OR1I1: variants seen among roughly 807,000 people sequenced by gnomAD.
OR1I1 encodes olfactory receptor family 1 subfamily I member 1, also known as olfactory receptor 1I1.
For synonymous variants in OR1I1, 171 were observed against 181.4 expected (o/e 0.94, Z 0.46); for missense variants, 451 against 443.6 (o/e 1.02, Z -0.15).
At chr19:15,085,252 C>T (rs1040118738) in intron 1 of OR1I1, among the ~76,000 whole-genome samples, 3 of 146,850 alleles carry the variant, frequency 2.0e-5, no homozygotes, top group Non-Finnish European at 3.0e-5. Context: ...CCCACTGCAA[C>T]TTCTGCCTCC....
In OR1I1 at chr19:15,088,348, A is replaced by G. The variant is rs1206171911; in HGVS notation, c.*215A>G. 2 of 541,516 alleles carry G rather than the reference A, an allele frequency of 3.7e-6. No homozygotes were observed. The highest frequency in any genetic ancestry group is 6.4e-6 in the Non-Finnish European group (2 of 313,788). The allele number at this position is 541,516 out of a possible 1,614,324, so 33.5% of individuals were successfully genotyped here. A position where few individuals can be genotyped will look rare whatever the true frequency, so the allele number is the denominator to read the frequency against. On this transcript the variant is annotated 3_prime_UTR_variant, in exon 2 of 2. Coordinates refer to ENST00000641398, the MANE Select transcript of OR1I1 (RefSeq NM_001004713.2). Reference sequence around the variant, plus strand: ...AGTTGAAAACAAGAGACGTAGCTACACTCATTTTAGTATTGACAAAGGCCA... The same window carrying G: ...AGTTGAAAACAAGAGACGTAGCTACGCTCATTTTAGTATTGACAAAGGCCA...
Position 15,085,176 on chromosome 19 carries a change from A to ATTTTTT in OR1I1, c.-13-1871_-13-1866dup, listed in dbSNP as rs757508009. On this transcript the variant is annotated intron_variant, in intron 1 of 1. Transcript: ENST00000641398. The stretch of plus-strand genomic sequence containing the variant: ...TATATATATATATATATATATATAT[A>ATTTTTT]TTTTTTTTTTTGAGACAGAGTTTCG... Among the ~76,000 whole-genome samples, 221 of 80,106 alleles carry ATTTTTT rather than the reference A, an allele frequency of 2.8e-3. 16 individuals are homozygous for ATTTTTT. The highest frequency in any genetic ancestry group is 3.9e-3 in the African/African-American group (84 of 21,750). The allele number at this position is 80,106 out of a possible 152,430, so 52.6% of individuals were successfully genotyped here.
At chr19:15,085,145 TA>T (rs1568321803) in intron 1 of OR1I1, among the ~76,000 whole-genome samples, 1,259 of 30,444 alleles carry the variant, frequency 0.041, 110 homozygotes, top group African/African-American at 0.18. Context: ...TATATATATA[TA>T]TATATATATA....
intron 1 of OR1I1, among the ~76,000 whole-genome samples, chr19:15,082,827 T>C (rs1183419391): frequency 1.3e-5 from 2 of 152,014 alleles, no homozygotes; most frequent in Admixed American, 1.3e-4. Context: ...TTTCTGTTTT[T>C]GAGACAGGGT....
rs1193069411 is a variant in OR1I1 at position 15,088,333 on chromosome 19, A to G, written c.*200A>G. The stretch of plus-strand genomic sequence containing the variant: ...TATGTGAATAAGAGTAGTTGAAAAC[A>G]AGAGACGTAGCTACACTCATTTTAG... On this transcript the variant is annotated 3_prime_UTR_variant, in exon 2 of 2. Coordinates refer to ENST00000641398, the MANE Select transcript of OR1I1 (RefSeq NM_001004713.2). 10 of 591,112 alleles carry G rather than the reference A, an allele frequency of 1.7e-5. No individual in the cohort carries two copies. Among genetic ancestry groups the G allele is most frequent in the African/African-American group, 3.7e-5 (2 of 53,796 alleles). 36.6% of individuals were successfully genotyped at this position (591,112 alleles called of 1,614,324 possible).
intron 1 of OR1I1, among the ~76,000 whole-genome samples, chr19:15,086,612 C>T (rs143483563): frequency 0.023 from 3,498 of 151,886 alleles, 92 homozygotes; most frequent in East Asian, 0.1. Context: ...CACCACCACG[C>T]CTGATTAATT....
At position 15,087,046 on chromosome 19, in the gene OR1I1, C is replaced by T. The variant is rs2046232374; in HGVS notation, c.-13-7C>T. On this transcript the variant is annotated splice_region_variant and splice_polypyrimidine_tract_variant and intron_variant, in intron 1 of 1. Transcript: ENST00000641398. Reference sequence around the variant, plus strand: ...GTGTGGTTTTTCTCCCTTTTTGTTCCCACTAGTCACAGACCATACATGGAA... The same window carrying T: ...GTGTGGTTTTTCTCCCTTTTTGTTCTCACTAGTCACAGACCATACATGGAA... 6.3e-7 allele frequency: 1 copy of T among 1,583,774 alleles called. No individual in the cohort carries two copies. The highest frequency in any genetic ancestry group is 8.6e-7 in the Non-Finnish European group (1 of 1,164,842).
In OR1I1 at chr19:15,087,668, T is replaced by C; in HGVS notation, c.603T>C (p.Ala201=). ...ACACCAACGAGCTGGTGATCTTTGC[T>C]TTTGGCATTGTCGTGGGCACCAGCC... The part of the protein sequence containing the change: ...DTHTNELVIF[A]FGIVVGTSPF... The change falls in exon 2 of 2, where the codon GCT becomes GCC. Residue 201 remains alanine, a synonymous_variant. Transcript: ENST00000641398. The C allele has an allele frequency of 6.2e-7, 1 of 1,614,230 alleles. No individual in the cohort carries two copies. The highest frequency in any genetic ancestry group is 1.1e-5 in the South Asian group (1 of 91,090).
intron 1 of OR1I1, among the ~76,000 whole-genome samples, chr19:15,083,457 G>A (rs73006899): frequency 0.073 from 11,054 of 152,224 alleles, 545 homozygotes; most frequent in Middle Eastern, 0.19. Flanking sequence ...GTTGAGAACC[G>A]CTGCTCTATG....
At chr19:15,084,343 A>G (rs563828814) in intron 1 of OR1I1, among the ~76,000 whole-genome samples, 34 of 152,128 alleles carry the variant, frequency 2.2e-4, no homozygotes, top group Non-Finnish European at 4.3e-4. Context: ...GCAGATGATG[A>G]GGTCAGGAGT....
At chr19:15,085,686 C>T (rs2046227719) in intron 1 of OR1I1, among the ~76,000 whole-genome samples, 1 of 152,074 alleles carries the variant, frequency 6.6e-6, no homozygotes, top group Non-Finnish European at 1.5e-5. Flanking sequence ...ATCTCCCTAA[C>T]ACCCACCTCC....
Position 15,085,155 on chromosome 19 carries a change from TATATA to T in OR1I1, c.-13-1897_-13-1893del, listed in dbSNP as rs1196445312. Among the ~76,000 whole-genome samples, 64 of 45,442 alleles carry T rather than the reference TATATA, an allele frequency of 1.4e-3. 3 individuals are homozygous for T. Among genetic ancestry groups the T allele is most frequent in the African/African-American group, 6.0e-3 (52 of 8,714 alleles). The allele number at this position is 45,442 out of a possible 152,430, so 29.8% of individuals were successfully genotyped here. A position where few individuals can be genotyped will look rare whatever the true frequency, so the allele number is the denominator to read the frequency against. On this transcript the variant is annotated intron_variant, in intron 1 of 1. Coordinates refer to ENST00000641398, the MANE Select transcript of OR1I1 (RefSeq NM_001004713.2). ...TTATATATATATATATATATATATA[TATATA>T]TATATATATATATATATTTTTTTTT...
At chr19:15,083,751 G>A (rs979198724) in intron 1 of OR1I1, among the ~76,000 whole-genome samples, 10 of 152,146 alleles carry the variant, frequency 6.6e-5, no homozygotes, top group Non-Finnish European at 1.3e-4. Flanking sequence ...AGGCCAAGGT[G>A]GGCGGATCAC....
chr19:15,083,004 C>A (rs1428220221), intron 1 of OR1I1, among the ~76,000 whole-genome samples: 3 of 151,584 alleles, frequency 2.0e-5, no homozygotes, highest in South Asian at 2.1e-4. Flanking sequence ...CAGGGATCTT[C>A]CTATGTTGCC....
rs2046241135 is a variant in OR1I1 at position 15,088,530 on chromosome 19, C to T, written c.*397C>T. The T allele has an allele frequency of 5.0e-6, 1 of 199,034 alleles. No homozygotes were observed. Among genetic ancestry groups the T allele is most frequent in the Non-Finnish European group, 1.0e-5 (1 of 97,864 alleles). 12.3% of individuals were successfully genotyped at this position (199,034 alleles called of 1,614,324 possible). On this transcript the variant is annotated 3_prime_UTR_variant, in exon 2 of 2. Coordinates refer to ENST00000641398, the MANE Select transcript of OR1I1 (RefSeq NM_001004713.2). ...CTTTAGCAAGACATGGTGGTATACG[C>T]CTGTAGTCTCAGCTAATCAGGAGGC... is the stretch of plus-strand genomic sequence containing the variant.
intron 1 of OR1I1, among the ~76,000 whole-genome samples, chr19:15,085,166 A>ATTTT (rs1568321893): frequency 4.2e-5 from 1 of 23,766 alleles, no homozygotes; most frequent in African/African-American, 1.3e-4. Flanking sequence ...ATATATATAT[A>ATTTT]TATATATATA....
At position 15,087,692 on chromosome 19, in the gene OR1I1, C is replaced by G. The variant is rs750915533; in HGVS notation, c.627C>G (p.Ser209Arg). 13 of 1,614,094 alleles carry G rather than the reference C, an allele frequency of 8.1e-6. No individual in the cohort carries two copies. In the Admixed American group the frequency reaches 8.3e-5, roughly 10 times the overall value. Residue 209 changes from serine (S) to arginine (R), a missense_variant, in exon 2 of 2, where the codon AGC (serine) becomes AGG (arginine). Transcript: ENST00000641398. ...CTTTTGGCATTGTCGTGGGCACCAG[C>G]CCATTCTCCTGCATCCTTCTCTCGT... is the stretch of plus-strand genomic sequence containing the variant. Reference protein sequence around the residue: ...IFAFGIVVGTSPFSCILLSYI... With the variant: ...IFAFGIVVGTRPFSCILLSYI...
rs2046243628 is a variant in OR1I1, at chr19:15,088,794, T to TAGAG, written c.*664_*665insGAGA. 1 of 104,006 alleles carries TAGAG rather than the reference T, an allele frequency of 9.6e-6. No homozygotes were observed. The allele number at this position is 104,006 out of a possible 1,614,324, so 6.4% of individuals were successfully genotyped here. A position where few individuals can be genotyped will look rare whatever the true frequency, so the allele number is the denominator to read the frequency against. On this transcript the variant is annotated 3_prime_UTR_variant, in exon 2 of 2. Transcript: ENST00000641398. ...ATATGTAGATAGATAGATAGATAGA[T>TAGAG]AGATAGATAGATAGATAGATAGATA...
rs772492746 is a variant in OR1I1 at position 15,087,863 on chromosome 19, C to A, written c.798C>A (p.Ser266Arg). 5.6e-6 allele frequency: 9 copies of A among 1,614,104 alleles called. No homozygotes were observed. In the African/African-American group the frequency reaches 1.2e-4, roughly 22 times the overall value. Reference sequence around the variant, plus strand: ...TGTACTTACAGCCCACATCCCCCAGCTCCTCCCAGAAGGACAAGGCAGCCG... The same window carrying A: ...TGTACTTACAGCCCACATCCCCCAGATCCTCCCAGAAGGACAAGGCAGCCG... ...FAVYLQPTSP[S>R]SSQKDKAAAL... is the part of the protein sequence containing the mutation. The change falls in exon 2 of 2, where the codon AGC (serine) becomes AGA (arginine). Residue 266 changes from serine to arginine, a missense_variant. Physicochemically the swap from Ser to Arg is moderately radical, Grantham distance 110. Transcript: ENST00000641398.
Sources: gnomAD v4.1 joint callset for allele counts (sites outside exome capture counted in the v4.1 genomes callset) on GRCh38, gnomAD v4.1.1 for gene constraint, MANE v1.5 for transcripts, NCBI Gene and HGNC (gene_info 2026-07-23, HGNC 2026-07-21) for gene names.